ACSM3: variants seen among roughly 807,000 people sequenced by gnomAD.
ACSM3 encodes acyl-coenzyme A synthetase ACSM3, mitochondrial.
ACSM3 carries 61 observed loss-of-function variants against 74.1 expected under a neutral mutation model. That is an observed-to-expected ratio of 0.82 (90% confidence interval 0.67 to 1.02). The LOEUF is 1.02. Ranked by LOEUF, ACSM3 falls within the 50% of genes least tolerant of loss-of-function variation. The pLI, the probability that ACSM3 is intolerant of heterozygous loss-of-function variation, is 0.00. For synonymous variants in ACSM3, 213 were observed against 241.5 expected, an observed-to-expected ratio of 0.88 and a Z score of 1.09; for missense variants, 660 against 697.0, an observed-to-expected ratio of 0.95 and a Z score of 0.60.
chr16:20,751,662 A>G (rs1194430866), intron 2 of ACSM3, among the ~76,000 whole-genome samples: 2 of 152,194 alleles, frequency 1.3e-5, no homozygotes, highest in South Asian at 2.1e-4. Flanking sequence ...TAGCTGTACC[A>G]GAGCTGGTCT....
Position 20,796,456 on chromosome 16 carries a change from A to G in ACSM3, c.1641A>G (p.Lys547=). 3.1e-6 allele frequency: 5 copies of G among 1,613,856 alleles called. No homozygotes were observed. The highest frequency in any genetic ancestry group is 4.2e-6 in the Non-Finnish European group (5 of 1,179,932). ...TAAAGGAGATTCAGGAGCATGTTAA[A>G]AAAACTACAGCACCTTACAAATATC... is the stretch of plus-strand genomic sequence containing the variant. The part of the protein sequence containing the change: ...QLIKEIQEHV[K]KTTAPYKYPR... Residue 547 remains lysine, a synonymous_variant, in exon 13 of 14, where the codon AAA becomes AAG. Coordinates refer to ENST00000289416, the MANE Select transcript of ACSM3 (RefSeq NM_005622.4).
intron 1 of ACSM3, chr16:20,685,045 G>A: frequency 4.1e-6 from 3 of 738,666 alleles, no homozygotes; most frequent in Non-Finnish European, 6.9e-6. Context: ...AGGGCAGGAA[G>A]CCTTGCTTTG....
At chr16:20,768,236 G>C (rs551964060) in intron 1 of ACSM3, among the ~76,000 whole-genome samples, 30 of 152,356 alleles carry the variant, frequency 2.0e-4, no homozygotes, top group African/African-American at 7.0e-4. Flanking sequence ...CTGAGGTTCA[G>C]AGTGATTAAT....
At chr16:20,713,155 A>T (rs559010683) in intron 1 of ACSM3, among the ~76,000 whole-genome samples, 1 of 152,304 alleles carries the variant, frequency 6.6e-6, no homozygotes, top group African/African-American at 2.4e-5. Context: ...TTATCCATAC[A>T]ATGGAGATAA....
chr16:20,728,557 T>A (rs973513989), intron 1 of ACSM3: 1 of 548,850 alleles, frequency 1.8e-6, no homozygotes, highest in African/African-American at 2.0e-5. Context: ...TTCCACCATG[T>A]CTTGCTATGT....
chr16:20,728,065 G>A (rs16970580), intron 1 of ACSM3: 34,270 of 212,278 alleles, frequency 0.16, 3,604 homozygotes, highest in East Asian at 0.4. Flanking sequence ...CTTAAATACT[G>A]GGAAAATCAG....
intron 1 of ACSM3, chr16:20,737,074 C>A (rs1400821669): frequency 1.2e-6 from 2 of 1,614,138 alleles, no homozygotes; most frequent in Non-Finnish European, 1.7e-6. Context: ...TCCGCAGATT[C>A]CAGTTTAGCT....
chr16:20,758,002 A>G (rs1014307445), intron 3 of ACSM3, among the ~76,000 whole-genome samples: 1 of 152,152 alleles, frequency 6.6e-6, no homozygotes, highest in African/African-American at 2.4e-5. Context: ...ATCATGGTGG[A>G]TAAGCTTTTT....
At chr16:20,707,829 T>C (rs1204227334) in intron 1 of ACSM3, among the ~76,000 whole-genome samples, 1 of 151,908 alleles carries the variant, frequency 6.6e-6, no homozygotes, top group Non-Finnish European at 1.5e-5. Context: ...TAACAAGAAA[T>C]CAGACAAACA....
intron 1 of ACSM3, among the ~76,000 whole-genome samples, chr16:20,718,154 A>G (rs2152388393): frequency 6.6e-6 from 1 of 152,348 alleles, no homozygotes; most frequent in Non-Finnish European, 1.5e-5. Context: ...GGAGAACTGT[A>G]AAATTTTAGC....
rs1266472913 is a variant in ACSM3, at chr16:20,780,993, C to A, written c.802C>A (p.Pro268Thr). The change falls in exon 6 of 14, where the codon CCC becomes ACC. Residue 268 changes from proline to threonine, a missense_variant. Pro to Thr is a conservative substitution (Grantham distance 38). Transcript: ENST00000289416. Reference protein sequence around the residue: ...VNGRFWLDLTPSDVMWNTSDT... With the variant: ...VNGRFWLDLTTSDVMWNTSDT... The stretch of plus-strand genomic sequence containing the variant: ...TCCCAGGTTCTGGCTAGATTTGACA[C>A]CCTCAGATGTGATGTGGAATACCTC... The A allele has an allele frequency of 2.5e-6, 4 of 1,614,060 alleles. No individual in the cohort carries two copies. Among genetic ancestry groups the A allele is most frequent in the Non-Finnish European group, 2.5e-6 (3 of 1,180,018 alleles).
In ACSM3 at chr16:20,775,970, A is replaced by G. The variant is rs1261607029; in HGVS notation, c.351A>G (p.Leu117=). Residue 117 remains leucine (L), a synonymous_variant, in exon 3 of 14, where the codon CTA becomes CTG. Coordinates refer to ENST00000289416, the MANE Select transcript of ACSM3 (RefSeq NM_005622.4). The part of the protein sequence containing the change: ...FANILSEACS[L]QRGDRVILIL... ...ATATACTTTCAGAAGCCTGTTCCCTACAAAGAGGAGATCGGGTAATTCTGA... is the reference window on the plus strand; with the variant it reads ...ATATACTTTCAGAAGCCTGTTCCCTGCAAAGAGGAGATCGGGTAATTCTGA... 38 of 1,614,174 alleles carry G rather than the reference A, an allele frequency of 2.4e-5. No individual in the cohort carries two copies. Among genetic ancestry groups the G allele is most frequent in the Non-Finnish European group, 3.2e-5 (38 of 1,180,030 alleles).
chr16:20,711,595 G>T, intron 1 of ACSM3: 1 of 1,260,312 alleles, frequency 7.9e-7, no homozygotes. Context: ...GGAGTCCATT[G>T]CACTGGAGTG....
chr16:20,778,692 C>T (rs1001027036), intron 4 of ACSM3, among the ~76,000 whole-genome samples: 1 of 152,146 alleles, frequency 6.6e-6, no homozygotes, highest in Non-Finnish European at 1.5e-5. Flanking sequence ...AGTACAACAA[C>T]CCTTCCTCAG....
At chr16:20,789,640 A>G in intron 9 of ACSM3, 3 of 988,170 alleles carry the variant, frequency 3.0e-6, no homozygotes, top group Non-Finnish European at 4.8e-6. Context: ...TAAATGATAA[A>G]AGCAGGTTGG....
At chr16:20,729,866 A>G (rs2079820383) in intron 1 of ACSM3, among the ~76,000 whole-genome samples, 1 of 151,764 alleles carries the variant, frequency 6.6e-6, no homozygotes. Context: ...TAAGGTTGGC[A>G]AGTCTTAGTC....
At chr16:20,759,985 A>G (rs945718351), upstream of ACSM3, among the ~76,000 whole-genome samples, 6 of 152,058 alleles carry the variant, frequency 3.9e-5, no homozygotes, top group African/African-American at 1.2e-4. Context: ...CATGATGGAA[A>G]GCCAGTAGGG....
At chr16:20,749,328 C>G (rs2079972223) in intron 1 of ACSM3, 1 of 152,148 alleles carries the variant, frequency 6.6e-6, no homozygotes, top group Non-Finnish European at 1.5e-5. Context: ...GAATTGTCAA[C>G]AAGGACTAAG....
intron 1 of ACSM3, among the ~76,000 whole-genome samples, chr16:20,718,017 GAA>G (rs2079771347): frequency 6.8e-6 from 1 of 146,596 alleles, no homozygotes; most frequent in African/African-American, 2.6e-5. Flanking sequence ...AGAAGAAGAA[GAA>G]GAAGAAGAAA....
Sources: gnomAD v4.1 joint callset for allele counts (sites outside exome capture counted in the v4.1 genomes callset) on GRCh38, gnomAD v4.1.1 for gene constraint, MANE v1.5 for transcripts, NCBI Gene and HGNC (gene_info 2026-07-23, HGNC 2026-07-21) for gene names.